The following SYNPR variants were observed in gnomAD, a reference collection of about 807,000 sequenced individuals.
SYNPR encodes the protein synaptoporin.
In SYNPR, 23 loss-of-function variants were observed where a neutral mutation model predicts 32.9. The ratio of observed to expected loss-of-function variants is 0.70; its 90% CI spans 0.50 to 0.99. SYNPR has a LOEUF of 0.99. Ranked by LOEUF, SYNPR falls within the 50% of genes least tolerant of loss-of-function variation. SYNPR has a pLI of 0.00. For synonymous variants in SYNPR, 146 were observed against 135.9 expected (o/e 1.07, Z -0.52); for missense variants, 318 against 349.3 (o/e 0.91, Z 0.71).
intron 3 of SYNPR, among the ~76,000 whole-genome samples, chr3:63,501,511 AAAAG>A (rs1270100183): frequency 1.2e-3 from 105 of 87,782 alleles, no homozygotes; most frequent in African/African-American, 5.4e-3. Context: ...AAAAAAAAAA[AAAAG>A]AAAAGAAAAA....
chr3:63,272,972 T>C (rs1221640527), intron 3 of SYNPR, among the ~76,000 whole-genome samples: 1 of 152,020 alleles, frequency 6.6e-6, no homozygotes, highest in Non-Finnish European at 1.5e-5. Context: ...AACATGGGAG[T>C]GATCTCAGGA....
intron 2 of SYNPR, among the ~76,000 whole-genome samples, chr3:63,309,445 T>A (rs1384204589): frequency 6.6e-6 from 1 of 152,046 alleles, no homozygotes; most frequent in East Asian, 1.9e-4. Flanking sequence ...TGTTAAAAAA[T>A]TTCTATGAAT....
intron 3 of SYNPR, among the ~76,000 whole-genome samples, chr3:63,501,494 C>CAAAA (rs377290258): frequency 2.5e-4 from 24 of 96,690 alleles, no homozygotes; most frequent in African/African-American, 3.1e-4. Context: ...CTCCCCCAAC[C>CAAAA]AAAAAAAAAA....
intron 4 of SYNPR, among the ~76,000 whole-genome samples, chr3:63,570,623 A>G (rs1216659092): frequency 6.6e-6 from 1 of 152,156 alleles, no homozygotes; most frequent in African/African-American, 2.4e-5. Context: ...CTCACAGGCT[A>G]TCTGTTCCAC....
chr3:63,558,110 C>A (rs1240411043), intron 4 of SYNPR, among the ~76,000 whole-genome samples: 1 of 152,156 alleles, frequency 6.6e-6, no homozygotes, highest in African/African-American at 2.4e-5. Context: ...TTCCCACATA[C>A]CCAGTTCCTC....
intron 3 of SYNPR, among the ~76,000 whole-genome samples, chr3:63,523,782 C>G (rs1425925978): frequency 6.6e-6 from 1 of 152,070 alleles, no homozygotes; most frequent in African/African-American, 2.4e-5. Context: ...ATCTATCACC[C>G]CTGCTCACTA....
chr3:63,466,324 C>A (rs1321754920), intron 2 of SYNPR, among the ~76,000 whole-genome samples: 1 of 151,872 alleles, frequency 6.6e-6, no homozygotes, highest in Non-Finnish European at 1.5e-5. Flanking sequence ...AGGTGCTTCC[C>A]CTAGAGAACT....
At chr3:63,259,014 C>A (rs7432825) in intron 2 of SYNPR, among the ~76,000 whole-genome samples, 11,853 of 152,154 alleles carry the variant, frequency 0.078, 1,343 homozygotes, top group African/African-American at 0.25. Context: ...CCTCCCAAGA[C>A]TAAACCAGGA....
the SYNPR span, among the ~76,000 whole-genome samples, chr3:63,221,516 G>A: frequency 2.0e-5 from 3 of 152,182 alleles, no homozygotes; most frequent in African/African-American, 4.8e-5. Flanking sequence ...GGGAGTTGGA[G>A]TAGAACTCCC....
rs75718437 is a variant in SYNPR at position 63,534,964 on chromosome 3, G to A, written c.210-21579G>A. Among the ~76,000 whole-genome samples, 296 of 152,012 alleles carry A rather than the reference G, an allele frequency of 1.9e-3. 1 individual carries two copies. Among genetic ancestry groups the A allele is most frequent in the African/African-American group, 6.8e-3 (281 of 41,462 alleles). On this transcript the variant is annotated intron_variant, in intron 3 of 5. Transcript: ENST00000478300. ...CCCACCTCCCAACATTGCCACATTG[G>A]GTATCAAATTACAATATGAAAGTGA...
At chr3:63,554,963 T>G (rs550238765) in intron 3 of SYNPR, among the ~76,000 whole-genome samples, 76 of 152,202 alleles carry the variant, frequency 5.0e-4, no homozygotes, top group Admixed American at 9.2e-4. Flanking sequence ...GTATTTTATT[T>G]TCTTTGTGGC....
intron 3 of SYNPR, among the ~76,000 whole-genome samples, chr3:63,518,911 G>A (rs1701851072): frequency 1.3e-5 from 2 of 152,134 alleles, no homozygotes; most frequent in Admixed American, 6.6e-5. Flanking sequence ...AAATAGCAAA[G>A]ATATGGAGCC....
chr3:63,395,736 T>A (rs941756254), intron 2 of SYNPR, among the ~76,000 whole-genome samples: 2 of 152,188 alleles, frequency 1.3e-5, no homozygotes, highest in African/African-American at 4.8e-5. Flanking sequence ...ATACATATTA[T>A]ATATATGTTA....
intron 3 of SYNPR, among the ~76,000 whole-genome samples, chr3:63,270,945 CTTTTCTTCCTTCCTTCCTTCCTT>C (rs2086530830): frequency 2.1e-4 from 5 of 23,276 alleles, no homozygotes; most frequent in Non-Finnish European, 4.0e-4. Context: ...TTCCTTCCTT[CTTTTCTTCCTTCCTTCCTTCCTT>C]CTTTTCTTCC....
chr3:63,606,439 T>TTTTA (rs1553651989), intron 4 of SYNPR, among the ~76,000 whole-genome samples: 1 of 145,856 alleles, frequency 6.9e-6, no homozygotes, highest in Non-Finnish European at 1.5e-5. Context: ...TTTTTTTTTT[T>TTTTA]AGCAATGAGA....
At chr3:63,528,599 T>C (rs1321924014) in intron 3 of SYNPR, among the ~76,000 whole-genome samples, 1 of 152,098 alleles carries the variant, frequency 6.6e-6, no homozygotes, top group Non-Finnish European at 1.5e-5. Flanking sequence ...TTATTCACAC[T>C]TACTATTCTT....
At chr3:63,584,743 A>G (rs1215024885) in intron 4 of SYNPR, among the ~76,000 whole-genome samples, 1 of 152,086 alleles carries the variant, frequency 6.6e-6, no homozygotes, top group African/African-American at 2.4e-5. Context: ...GCAGAATGAG[A>G]CCTACTTAAA....
the SYNPR span, among the ~76,000 whole-genome samples, chr3:63,218,988 C>T: frequency 1.3e-5 from 2 of 152,206 alleles, no homozygotes; most frequent in African/African-American, 4.8e-5. Flanking sequence ...CCTGCTCTTA[C>T]AGCAGTTCTT....
chr3:63,600,169 T>C (rs1700018158), intron 4 of SYNPR, among the ~76,000 whole-genome samples: 1 of 152,236 alleles, frequency 6.6e-6, no homozygotes, highest in Admixed American at 6.5e-5. Flanking sequence ...AGTACCTACG[T>C]CATAAGATGA....
Sources: allele counts gnomAD v4.1 joint callset (sites outside exome capture counted in the v4.1 genomes callset), GRCh38; gene constraint gnomAD v4.1.1; transcripts MANE v1.5; gene names NCBI Gene and HGNC (gene_info 2026-07-23, HGNC 2026-07-21).